The following PTPRG variants were observed in gnomAD, a reference collection of about 807,000 sequenced individuals.
PTPRG encodes the protein protein tyrosine phosphatase receptor type G, also known as receptor-type tyrosine-protein phosphatase gamma.
Under a neutral mutation model 165.3 loss-of-function variants are expected in PTPRG, and 102 were observed. The observed-to-expected ratio is 0.62, with a 90% CI of 0.53 to 0.73. The LOEUF is 0.73. PTPRG is among the 30% of genes least tolerant of loss of function. PTPRG has a pLI of 0.00. For synonymous variants in PTPRG, 675 were observed against 669.5 expected (o/e 1.01, Z -0.13); for missense variants, 1,866 against 1,861.4 (o/e 1.00, Z -0.05).
At chr3:61,885,626 G>A (rs936203401) in intron 2 of PTPRG, among the ~76,000 whole-genome samples, 10 of 125,936 alleles carry the variant, frequency 7.9e-5, no homozygotes, top group Non-Finnish European at 9.9e-5. Context: ...TACCAATACA[G>A]TGGAGCATTT....
chr3:62,089,960 C>T (rs1000298054), intron 5 of PTPRG, among the ~76,000 whole-genome samples: 1 of 152,122 alleles, frequency 6.6e-6, no homozygotes, highest in Non-Finnish European at 1.5e-5. Context: ...GGAGTTGCTA[C>T]CTCCATGTAT....
At chr3:61,777,594 G>A (rs892441279) in intron 2 of PTPRG, among the ~76,000 whole-genome samples, 1 of 152,168 alleles carries the variant, frequency 6.6e-6, no homozygotes, top group Non-Finnish European at 1.5e-5. Flanking sequence ...TGCTGTTAGG[G>A]TTAGCAGGGA....
intron 19 of PTPRG, 82 bp downstream of exon 19, chr3:62,267,901 C>T (rs112939548): frequency 4.7e-6 from 7 of 1,474,812 alleles, no homozygotes; most frequent in Admixed American, 4.0e-5. Context: ...AGGGTAGGAA[C>T]TTGACAAGGT....
rs555711813 is a variant in PTPRG at position 62,002,625 on chromosome 3, T to C, written c.371-724T>C. Reference sequence around the variant, plus strand: ...TTTGAAATTTAGGGTTGGAATTTAGTTGAGGTTCCCTATGTTGCGGATGCT... The same window carrying C: ...TTTGAAATTTAGGGTTGGAATTTAGCTGAGGTTCCCTATGTTGCGGATGCT... On this transcript the variant is annotated intron_variant, in intron 3 of 29. Transcript: ENST00000474889. 1.1e-4 allele frequency among the ~76,000 whole-genome samples: 16 copies of C among 152,348 alleles called. No individual in the cohort carries two copies. In the South Asian group the frequency reaches 3.3e-3, roughly 32 times the overall value.
intron 11 of PTPRG, among the ~76,000 whole-genome samples, chr3:62,202,122 G>A (rs773744428): frequency 7.9e-5 from 12 of 152,120 alleles, no homozygotes; most frequent in Non-Finnish European, 1.6e-4. Context: ...TTTTACAGAT[G>A]AGGAAACCGA....
At chr3:61,947,123 G>A (rs1404652761) in intron 2 of PTPRG, among the ~76,000 whole-genome samples, 1 of 152,144 alleles carries the variant, frequency 6.6e-6, no homozygotes, top group Non-Finnish European at 1.5e-5. Flanking sequence ...CATTAGCAAT[G>A]ATAATTAGTC....
intron 1 of PTPRG, among the ~76,000 whole-genome samples, chr3:61,592,841 C>T (rs1023737381): frequency 5.9e-5 from 9 of 152,096 alleles, no homozygotes; most frequent in South Asian, 2.1e-4. Flanking sequence ...CCATAAAAGC[C>T]GTGGGGCTGA....
chr3:61,785,436 C>A (rs542393040), intron 2 of PTPRG, among the ~76,000 whole-genome samples: 23 of 152,230 alleles, frequency 1.5e-4, no homozygotes, highest in Admixed American at 1.2e-3. Flanking sequence ...TAGCAAAAAT[C>A]AATGTAATTA....
At chr3:61,986,657 C>G (rs536612460) in intron 2 of PTPRG, among the ~76,000 whole-genome samples, 2 of 152,234 alleles carry the variant, frequency 1.3e-5, no homozygotes, top group East Asian at 1.9e-4. Context: ...CTACCCCGCC[C>G]TTACCTCTTC....
Position 62,145,674 on chromosome 3 carries a change from A to G in PTPRG, c.683-11393A>G, listed in dbSNP as rs555327357. ...AAGCAGCAGCCTCTCTGCTTCTGCA[A>G]CTGTTAACCTCTGTCTGTGCACCTA... On this transcript the variant is annotated intron_variant, in intron 6 of 29. Transcript: ENST00000474889. 9.2e-5 allele frequency among the ~76,000 whole-genome samples: 14 copies of G among 152,316 alleles called. No individual in the cohort carries two copies. In the South Asian group the frequency reaches 2.7e-3, roughly 29 times the overall value.
At chr3:62,069,521 G>C (rs1701131100) in intron 4 of PTPRG, among the ~76,000 whole-genome samples, 1 of 151,990 alleles carries the variant, frequency 6.6e-6, no homozygotes, top group Non-Finnish European at 1.5e-5. Flanking sequence ...TTGCAAAATG[G>C]TTTTATAATG....
At chr3:62,181,265 G>A (rs970777106) in intron 8 of PTPRG, among the ~76,000 whole-genome samples, 2 of 152,152 alleles carry the variant, frequency 1.3e-5, no homozygotes, top group African/African-American at 4.8e-5. Flanking sequence ...TTCTGGCCTC[G>A]GCAGCCAGAT....
intron 4 of PTPRG, among the ~76,000 whole-genome samples, chr3:62,041,301 T>C (rs1412146985): frequency 6.6e-6 from 1 of 152,206 alleles, no homozygotes; most frequent in Non-Finnish European, 1.5e-5. Flanking sequence ...ATGCCAAATT[T>C]GATAAATCCA....
At chr3:61,783,714 G>A (rs1195422012) in intron 2 of PTPRG, among the ~76,000 whole-genome samples, 1 of 152,164 alleles carries the variant, frequency 6.6e-6, no homozygotes, top group Non-Finnish European at 1.5e-5. Context: ...TGGAAGCCAG[G>A]ACTAGCATAG....
intron 1 of PTPRG, among the ~76,000 whole-genome samples, chr3:61,690,224 C>T (rs1255198630): frequency 6.6e-6 from 1 of 152,186 alleles, no homozygotes; most frequent in African/African-American, 2.4e-5. Flanking sequence ...CAGTTTGTCA[C>T]TATCACTTCT....
intron 2 of PTPRG, among the ~76,000 whole-genome samples, chr3:61,825,252 C>T (rs537585747): frequency 6.6e-6 from 1 of 152,250 alleles, no homozygotes; most frequent in East Asian, 1.9e-4. Flanking sequence ...TAAGGGAAAC[C>T]CATTGAGCTT....
chr3:61,956,294 T>TCACA (rs10575818), intron 2 of PTPRG, among the ~76,000 whole-genome samples: 1 of 140,908 alleles, frequency 7.1e-6, no homozygotes, highest in Non-Finnish European at 1.6e-5. Flanking sequence ...TCTCTCTCTC[T>TCACA]CACACACACA....
intron 2 of PTPRG, among the ~76,000 whole-genome samples, chr3:61,765,821 T>C (rs1283222545): frequency 6.6e-6 from 1 of 152,188 alleles, no homozygotes; most frequent in Admixed American, 6.5e-5. Context: ...GGGGTATAAA[T>C]GCATGTATAT....
intron 2 of PTPRG, among the ~76,000 whole-genome samples, chr3:61,856,343 C>T (rs947038826): frequency 1.3e-5 from 2 of 152,066 alleles, no homozygotes; most frequent in African/African-American, 4.8e-5. Context: ...CACTGATCTA[C>T]TTTCTAAGAC....
Sources: gnomAD v4.1 joint callset for allele counts (sites outside exome capture counted in the v4.1 genomes callset) on GRCh38, gnomAD v4.1.1 for gene constraint, MANE v1.5 for transcripts, NCBI Gene and HGNC (gene_info 2026-07-23, HGNC 2026-07-21) for gene names.